The following SLC26A7 variants were observed in gnomAD, a reference collection of about 807,000 sequenced individuals.
SLC26A7 encodes the protein solute carrier family 26 member 7, also known as anion exchange transporter.
Under a neutral mutation model 82.5 loss-of-function variants are expected in SLC26A7, and 59 were observed. The observed-to-expected ratio is 0.72, with a 90% confidence interval of 0.58 to 0.89. SLC26A7 has a LOEUF of 0.89. Ranked by LOEUF, SLC26A7 falls within the 40% of genes least tolerant of loss-of-function variation. The pLI is 0.00. For synonymous variants in SLC26A7, 271 were observed against 274.3 expected (o/e 0.99, Z 0.12); for missense variants, 820 against 793.0 (o/e 1.03, Z -0.41).
intron 14 of SLC26A7, 37 bp downstream of exon 14, chr8:91,366,754 T>C (rs753812062): frequency 6.3e-6 from 10 of 1,589,086 alleles, no homozygotes; most frequent in Non-Finnish European, 8.5e-6. Flanking sequence ...TCATACTACA[T>C]GTAGCCTTAT....
rs1808551533 is a variant in SLC26A7 at position 91,395,778 on chromosome 8, A to G, written c.*681A>G. On this transcript the variant is annotated 3_prime_UTR_variant, in exon 19 of 19. Coordinates refer to ENST00000276609, the MANE Select transcript of SLC26A7 (RefSeq NM_052832.4). ...TTGACATTGGTCTGTTTTGCTGTGAATATTGGAAATGCTTAGGATCTTCAG... is the reference window on the plus strand; with the variant it reads ...TTGACATTGGTCTGTTTTGCTGTGAGTATTGGAAATGCTTAGGATCTTCAG... 1 of 152,106 alleles carries G rather than the reference A, an allele frequency of 6.6e-6. No individual in the cohort carries two copies. Among genetic ancestry groups the G allele is most frequent in the African/African-American group, 2.4e-5 (1 of 41,452 alleles). 9.4% of individuals were successfully genotyped at this position (152,106 alleles called of 1,614,324 possible).
At position 91,258,786 on chromosome 8, in the gene SLC26A7, G is replaced by A. The variant is rs146357710; in HGVS notation, c.193+8942G>A. Among the ~76,000 whole-genome samples the A allele has an allele frequency of 1.3e-4, 20 of 152,160 alleles. No individual in the cohort carries two copies. The East Asian group carries it at 2.5e-3, about 19-fold the overall frequency. On this transcript the variant is annotated intron_variant, in intron 2 of 18. Coordinates refer to ENST00000276609, the MANE Select transcript of SLC26A7 (RefSeq NM_052832.4). ...GCAGATCTTTCTGACTCCTGAGCCCGTGCTTCTACCTTAAGAGCCACCAAA... is the reference window on the plus strand; with the variant it reads ...GCAGATCTTTCTGACTCCTGAGCCCATGCTTCTACCTTAAGAGCCACCAAA...
At chr8:91,232,629 G>T (rs780927673) in intron 2 of SLC26A7, among the ~76,000 whole-genome samples, 1 of 152,192 alleles carries the variant, frequency 6.6e-6, no homozygotes, top group Non-Finnish European at 1.5e-5. Flanking sequence ...GTGCCAGAAT[G>T]CTTGAATAGG....
intron 2 of SLC26A7, among the ~76,000 whole-genome samples, chr8:91,239,453 CGT>C (rs1491403359): frequency 6.9e-6 from 1 of 143,998 alleles, no homozygotes; most frequent in Non-Finnish European, 1.5e-5. Context: ...TGTGTATATA[CGT>C]ATATATATGT....
chr8:91,393,799 T>C lies in SLC26A7; in HGVS notation c.1779T>C (p.Val593=). Residue 593 remains valine, a splice_region_variant and synonymous_variant, in exon 17 of 19, where the codon GTT becomes GTC. Coordinates refer to ENST00000276609, the MANE Select transcript of SLC26A7 (RefSeq NM_052832.4). ...DYSGVSMLVE[V]YMDCKGRSVD... ...GTATCCTATTTTAATTCTTCCAGGT[T>C]TACATGGACTGTAAAGGCAGGAGTG... is the stretch of plus-strand genomic sequence containing the variant. 1.9e-6 allele frequency: 3 copies of C among 1,613,546 alleles called. No homozygotes were observed. Among genetic ancestry groups the C allele is most frequent in the Non-Finnish European group, 2.5e-6 (3 of 1,179,526 alleles).
chr8:91,290,713 A>G (rs1811841592), intron 3 of SLC26A7, among the ~76,000 whole-genome samples: 1 of 152,218 alleles, frequency 6.6e-6, no homozygotes, highest in Non-Finnish European at 1.5e-5. Flanking sequence ...ATAGCATAAC[A>G]TACTCACAGG....
In SLC26A7 at chr8:91,309,137, A is replaced by G. The variant is rs535349632; in HGVS notation, c.478-9079A>G. On this transcript the variant is annotated intron_variant, in intron 4 of 18. Coordinates refer to ENST00000276609, the MANE Select transcript of SLC26A7 (RefSeq NM_052832.4). ...ACATAATATAATTATGTTTAATTAT[A>G]CAGCAAATCTTATAAGGCAAATCTG... 4.6e-5 allele frequency among the ~76,000 whole-genome samples: 7 copies of G among 152,130 alleles called. No homozygotes were observed. In the South Asian group the frequency reaches 1.2e-3, roughly 27 times the overall value.
chr8:91,234,906 C>T (rs527277023), intron 2 of SLC26A7, among the ~76,000 whole-genome samples: 3 of 146,512 alleles, frequency 2.0e-5, no homozygotes, highest in Non-Finnish European at 4.5e-5. Flanking sequence ...CTCTCTCTCT[C>T]TGTTTCTTTC....
intron 15 of SLC26A7, among the ~76,000 whole-genome samples, chr8:91,375,037 A>G (rs1327407234): frequency 6.7e-6 from 1 of 149,968 alleles, no homozygotes; most frequent in Non-Finnish European, 1.5e-5. Context: ...AGTCTGTTTT[A>G]TTTGATACAA....
At chr8:91,274,826 G>A (rs996737029) in intron 2 of SLC26A7, among the ~76,000 whole-genome samples, 1 of 152,172 alleles carries the variant, frequency 6.6e-6, no homozygotes, top group Admixed American at 6.5e-5. Context: ...CTACCTGAAG[G>A]TAAGAAGATA....
At chr8:91,370,197 C>T (rs372168786) in intron 15 of SLC26A7, among the ~76,000 whole-genome samples, 5 of 148,252 alleles carry the variant, frequency 3.4e-5, no homozygotes, top group African/African-American at 7.5e-5. Context: ...TCTATTTTCT[C>T]CTCCTTTCTC....
rs1441264557 is a variant in SLC26A7, at chr8:91,249,713, G to A, written c.62G>A (p.Cys21Tyr). The A allele has an allele frequency of 1.2e-5, 20 of 1,602,934 alleles. No individual in the cohort carries two copies. Among genetic ancestry groups the A allele is most frequent in the Non-Finnish European group, 1.6e-5 (19 of 1,175,006 alleles). Residue 21 changes from cysteine to tyrosine, a missense_variant, in exon 2 of 19, where the codon TGT becomes TAT. Cys to Tyr is a radical substitution (Grantham distance 194, BLOSUM62 -2). Coordinates refer to ENST00000276609, the MANE Select transcript of SLC26A7 (RefSeq NM_052832.4). ...TGGAGCAAGATGCATACCCCCCAGTGTGAAGACATTATACAGTGGTGTAGA... is the reference window on the plus strand; with the variant it reads ...TGGAGCAAGATGCATACCCCCCAGTATGAAGACATTATACAGTGGTGTAGA... ...MLWSKMHTPQ[C>Y]EDIIQWCRRR...
intron 4 of SLC26A7, among the ~76,000 whole-genome samples, chr8:91,305,381 G>A (rs1812276994): frequency 6.6e-6 from 1 of 152,086 alleles, no homozygotes; most frequent in South Asian, 2.1e-4. Context: ...GCTCAAGTGT[G>A]CAGACCTAGT....
intron 8 of SLC26A7, among the ~76,000 whole-genome samples, chr8:91,341,668 C>T (rs1235919058): frequency 6.6e-6 from 1 of 152,176 alleles, no homozygotes; most frequent in Non-Finnish European, 1.5e-5. Context: ...CTTTCTTTTA[C>T]TCGAAACTTC....
intron 4 of SLC26A7, among the ~76,000 whole-genome samples, chr8:91,317,199 T>G (rs1025891900): frequency 3.3e-5 from 5 of 151,798 alleles, no homozygotes; most frequent in Non-Finnish European, 7.4e-5. Flanking sequence ...GTTTTGCTGC[T>G]TCCTGTCATT....
intron 2 of SLC26A7, among the ~76,000 whole-genome samples, chr8:91,257,212 A>G (rs1810828923): frequency 6.6e-6 from 1 of 152,142 alleles, no homozygotes; most frequent in Non-Finnish European, 1.5e-5. Context: ...TGGAGGGGAG[A>G]CATGCTTTAA....
intron 3 of SLC26A7, among the ~76,000 whole-genome samples, chr8:91,295,256 C>A (rs1051724133): frequency 6.6e-6 from 1 of 152,072 alleles, no homozygotes; most frequent in East Asian, 1.9e-4. Flanking sequence ...ATTCTTTATG[C>A]CAATCTGCAG....
intron 13 of SLC26A7, among the ~76,000 whole-genome samples, chr8:91,365,824 A>G (rs548186896): frequency 6.6e-6 from 1 of 152,164 alleles, no homozygotes; most frequent in Non-Finnish European, 1.5e-5. Flanking sequence ...AGCCTGAAAG[A>G]ATATTGCTTT....
chr8:91,385,685 T>C (rs1258167516), intron 15 of SLC26A7, among the ~76,000 whole-genome samples: 1 of 152,174 alleles, frequency 6.6e-6, no homozygotes, highest in Non-Finnish European at 1.5e-5. Flanking sequence ...AAACATGGCA[T>C]GAACACACTC....
Sources: allele counts gnomAD v4.1 joint callset (sites outside exome capture counted in the v4.1 genomes callset), GRCh38; gene constraint gnomAD v4.1.1; transcripts MANE v1.5; gene names NCBI Gene and HGNC (gene_info 2026-07-23, HGNC 2026-07-21).